Variants in RALGAPA2 observed in about 807,000 individuals in gnomAD.
RALGAPA2 encodes the protein Ral GTPase activating protein catalytic subunit alpha 2.
RALGAPA2 carries 139 observed loss-of-function variants against 230.4 expected under a neutral mutation model. The observed-to-expected ratio is 0.60, with a 90% confidence interval of 0.53 to 0.69. The LOEUF (loss-of-function observed/expected upper bound fraction) is 0.69. Ranked by LOEUF, RALGAPA2 falls within the 30% of genes least tolerant of loss-of-function variation. The probability of loss-of-function intolerance (pLI) is 0.00; values close to 1 mark genes in which losing one functional copy is unlikely to be tolerated. For synonymous variants in RALGAPA2, 847 were observed against 837.8 expected (o/e 1.01, Z -0.19); for missense variants, 2,163 against 2,276.0 (o/e 0.95, Z 1.01).
intron 14 of RALGAPA2, 72 bp downstream of exon 14, chr20:20,611,240 CAAT>C: frequency 6.8e-7 from 1 of 1,474,242 alleles, no homozygotes; most frequent in Non-Finnish European, 9.0e-7. Flanking sequence ...TTAAAATTCT[CAAT>C]GATTAAAACT....
intron 4 of RALGAPA2, among the ~76,000 whole-genome samples, chr20:20,650,514 A>G (rs1396132959): frequency 1.3e-5 from 2 of 152,224 alleles, no homozygotes; most frequent in Non-Finnish European, 2.9e-5. Context: ...CAAGGTTTTA[A>G]CCCAACATTT....
chr20:20,693,025 C>G (rs1369039591), intron 1 of RALGAPA2, among the ~76,000 whole-genome samples: 1 of 152,156 alleles, frequency 6.6e-6, no homozygotes, highest in African/African-American at 2.4e-5. Context: ...CTGAAATGAT[C>G]ACAGAAATTA....
At chr20:20,591,099 C>T (rs1313516216) in intron 17 of RALGAPA2, 78 bp downstream of exon 17, 6 of 1,479,250 alleles carry the variant, frequency 4.1e-6, no homozygotes, top group Non-Finnish European at 5.5e-6. Context: ...AATATATGTA[C>T]AAAGCAATAC....
chr20:20,571,213 C>T (rs1469387894), intron 23 of RALGAPA2, among the ~76,000 whole-genome samples: 1 of 152,030 alleles, frequency 6.6e-6, no homozygotes, highest in Non-Finnish European at 1.5e-5. Context: ...ATCATAGAGG[C>T]CATAGAATAA....
At chr20:20,483,210 T>A (rs181009413) in intron 36 of RALGAPA2, among the ~76,000 whole-genome samples, 16 of 152,150 alleles carry the variant, frequency 1.1e-4, no homozygotes, top group African/African-American at 3.6e-4. Context: ...TGGAGAGAAA[T>A]ACCACTGCCC....
intron 2 of RALGAPA2, among the ~76,000 whole-genome samples, chr20:20,679,596 C>T (rs1280964544): frequency 6.6e-6 from 1 of 152,050 alleles, no homozygotes; most frequent in African/African-American, 2.4e-5. Flanking sequence ...AAATCTCTTT[C>T]ACACACCTTT....
rs748244632 is a variant in RALGAPA2 at position 20,571,946 on chromosome 20, T to C, written c.2902A>G (p.Ile968Val). 6.3e-7 allele frequency: 1 copy of C among 1,597,096 alleles called. No individual in the cohort carries two copies. Among genetic ancestry groups the C allele is most frequent in the South Asian group, 1.1e-5 (1 of 88,908 alleles). ...LYELWYKLAK[I>V]RDNLAISLDN... is the part of the protein sequence containing the mutation. ...AGGCTTATTGCTAGATTATCCCGTA[T>C]CTAATTCACAAAGAGGAGAATTTTA... The change falls in exon 22 of 40, where the codon ATA becomes GTA. Residue 968 changes from isoleucine to valine, a missense_variant and splice_region_variant. Coordinates refer to ENST00000202677, the MANE Select transcript of RALGAPA2 (RefSeq NM_020343.4).
chr20:20,664,751 C>T (rs777241048), intron 3 of RALGAPA2, among the ~76,000 whole-genome samples: 6 of 152,160 alleles, frequency 3.9e-5, no homozygotes, highest in African/African-American at 4.8e-5. Context: ...TAGAGAATAA[C>T]AAAACCCCAG....
In RALGAPA2 at chr20:20,536,698, C is replaced by A. The variant is rs1399472303; in HGVS notation, c.3372G>T (p.Val1124=). ...CTGTAATGGCCTCATTTACTTCTGG[C>A]ACTGACTGCAGTAAAGGAATCTCCT... ...TYQEIPLLQS[V]PEVNEAITGT... The change falls in exon 25 of 40, where the codon GTG becomes GTT. Residue 1124 remains valine (V), a synonymous_variant. Transcript: ENST00000202677. 6.2e-7 allele frequency: 1 copy of A among 1,613,064 alleles called. No individual in the cohort carries two copies. Among genetic ancestry groups the A allele is most frequent in the Non-Finnish European group, 8.5e-7 (1 of 1,179,242 alleles).
chr20:20,506,793 T>A (rs891702457), intron 33 of RALGAPA2, among the ~76,000 whole-genome samples: 1 of 152,238 alleles, frequency 6.6e-6, no homozygotes, highest in Non-Finnish European at 1.5e-5. Context: ...TCCTTCTGTG[T>A]GAGTTATTTC....
chr20:20,637,568 A>G (rs1176729232), intron 7 of RALGAPA2, 67 bp from the exon 8 acceptor site: 3 of 1,363,248 alleles, frequency 2.2e-6, no homozygotes, highest in East Asian at 5.3e-5. Context: ...ACTAAACTGA[A>G]GTGTTGTTAT....
intron 3 of RALGAPA2, among the ~76,000 whole-genome samples, chr20:20,656,279 C>T (rs2067586707): frequency 1.3e-5 from 2 of 152,152 alleles, no homozygotes; most frequent in Non-Finnish European, 2.9e-5. Flanking sequence ...TATTTGTATG[C>T]TTACTTATTA....
Position 20,505,484 on chromosome 20 carries a change from T to C in RALGAPA2, c.4979A>G (p.Asp1660Gly). ...AVFYIAEGQEDKCSILSNERG... is the reference protein window; with the variant it reads ...AVFYIAEGQEGKCSILSNERG... Reference sequence around the variant, plus strand: ...TTCATTAGAGAGGATTGAACACTTGTCTTCTTGACCTTCAGCAATGTAAAA... The same window carrying C: ...TTCATTAGAGAGGATTGAACACTTGCCTTCTTGACCTTCAGCAATGTAAAA... The change falls in exon 34 of 40, where the codon GAC becomes GGC. Residue 1660 changes from aspartate to glycine, a missense_variant. By Grantham distance (94) the Asp-to-Gly change is moderately conservative. Transcript: ENST00000202677. The C allele has an allele frequency of 6.2e-7, 1 of 1,605,694 alleles. No homozygotes were observed. Among genetic ancestry groups the C allele is most frequent in the Non-Finnish European group, 8.5e-7 (1 of 1,175,324 alleles).
intron 3 of RALGAPA2, 66 bp from the exon 4 acceptor site, chr20:20,653,653 T>C: frequency 5.5e-6 from 5 of 910,048 alleles, no homozygotes; most frequent in Non-Finnish European, 8.6e-6. Context: ...GACAGGCCCA[T>C]ATTACTCACT....
At position 20,505,480 on chromosome 20, in the gene RALGAPA2, C is replaced by G. The variant is rs1329744166; in HGVS notation, c.4983G>C (p.Lys1661Asn). ...CTCTTTCATTAGAGAGGATTGAACA[C>G]TTGTCTTCTTGACCTTCAGCAATGT... The part of the protein sequence containing the change: ...VFYIAEGQED[K>N]CSILSNERGS... The change falls in exon 34 of 40, where the codon AAG (lysine) becomes AAC (asparagine). Residue 1661 changes from lysine to asparagine, a missense_variant. Coordinates refer to ENST00000202677, the MANE Select transcript of RALGAPA2 (RefSeq NM_020343.4). 6.2e-7 allele frequency: 1 copy of G among 1,605,046 alleles called. No individual in the cohort carries two copies. The highest frequency in any genetic ancestry group is 1.7e-4 in the Middle Eastern group (1 of 6,050).
chr20:20,595,902 C>G (rs2065439249), intron 16 of RALGAPA2, among the ~76,000 whole-genome samples: 1 of 151,604 alleles, frequency 6.6e-6, no homozygotes, highest in Non-Finnish European at 1.5e-5. Context: ...TGCAGTGGGC[C>G]AAGATCGCAC....
chr20:20,668,311 G>C (rs1006640718), intron 3 of RALGAPA2, among the ~76,000 whole-genome samples: 2 of 152,158 alleles, frequency 1.3e-5, no homozygotes, highest in African/African-American at 4.8e-5. Flanking sequence ...GCTGAGGCAG[G>C]AGAATTGCTT....
intron 16 of RALGAPA2, among the ~76,000 whole-genome samples, chr20:20,593,184 T>C (rs2065346373): frequency 6.6e-6 from 1 of 152,234 alleles, no homozygotes; most frequent in African/African-American, 2.4e-5. Flanking sequence ...ATTGCAGGCG[T>C]GGGCCATGGT....
intron 1 of RALGAPA2, among the ~76,000 whole-genome samples, chr20:20,710,982 T>C (rs1430281198): frequency 6.6e-6 from 1 of 152,192 alleles, no homozygotes; most frequent in South Asian, 2.1e-4. Context: ...TGTGCGTGCA[T>C]GGTATCTACA....
Sources: allele counts gnomAD v4.1 joint callset (sites outside exome capture counted in the v4.1 genomes callset), GRCh38; gene constraint gnomAD v4.1.1; transcripts MANE v1.5; gene names NCBI Gene and HGNC (gene_info 2026-07-23, HGNC 2026-07-21).